Variants in IDS observed in about 807,000 individuals in gnomAD.
The protein encoded by IDS is alpha-L-iduronate sulfate sulfatase.
In IDS, 1 loss-of-function variant was observed where a neutral mutation model predicts 33.5. That is an observed-to-expected ratio of 0.03 (90% CI 0.01 to 0.14). The LOEUF (loss-of-function observed/expected upper bound fraction) is 0.14. IDS is among the 10% of genes least tolerant of loss of function. The probability of loss-of-function intolerance (pLI) is 1.00; values close to 1 mark genes in which losing one functional copy is unlikely to be tolerated. For synonymous variants in IDS, 191 were observed against 184.4 expected (o/e 1.04, Z -0.29); for missense variants, 328 against 448.0 (o/e 0.73, Z 2.42).
At position 149,504,986 on chromosome X, in the gene IDS, A is replaced by G. The variant is rs782342045; in HGVS notation, c.103+49T>C. 2.4e-5 allele frequency: 21 copies of G among 880,583 alleles called. No homozygotes were observed. The Admixed American group carries it at 2.6e-4, about 11-fold the overall frequency. 72.6% of individuals were successfully genotyped at this position (880,583 alleles called of 1,213,427 possible). ...GGAAGGAAAGAAGGAAGGAGGAAGG[A>G]AGGGAGGGAGGAAGGGAGAAGAGAT... On this transcript the variant is annotated intron_variant, in intron 1 of 8. Transcript: ENST00000340855.
At chrX:149,487,657 C>A (rs1407926507) in intron 7 of IDS, among the ~76,000 whole-genome samples, 2 of 112,555 alleles carry the variant, frequency 1.8e-5, no homozygotes, top group Non-Finnish European at 3.8e-5. Flanking sequence ...TAGGGTAAAC[C>A]AAAACCTCTC....
intron 3 of IDS, chrX:149,503,054 C>G: frequency 1.9e-6 from 2 of 1,044,345 alleles, no homozygotes; most frequent in African/African-American, 3.8e-5. Context: ...TCCTCCCTAC[C>G]ACCCGAGGAG....
At chrX:149,494,712 C>T (rs782355089) in intron 6 of IDS, among the ~76,000 whole-genome samples, 17 of 111,958 alleles carry the variant, frequency 1.5e-4, no homozygotes, top group Non-Finnish European at 2.1e-4. Flanking sequence ...GCAGCCGACA[C>T]GGTCCTAGAT....
Position 149,498,112 on chromosome X carries a change from G to A in IDS, c.703C>T (p.Pro235Ser), listed in dbSNP as rs1472865575. Residue 235 changes from proline to serine, a missense_variant, in exon 5 of 9, where the codon CCC (proline) becomes TCC (serine). Pro to Ser is a moderately conservative substitution (Grantham distance 74, BLOSUM62 -1). Coordinates refer to ENST00000340855, the MANE Select transcript of IDS (RefSeq NM_000202.8). ...YHKPHIPFRY[P>S]KEFQKLYPLE... is the part of the protein sequence containing the mutation. ...GCCCTCAACCAGCTCTTCACCTTGG[G>A]GTATCTGAAGGGGATGTGTGGCTTA... 1 of 1,204,128 alleles carries A rather than the reference G, an allele frequency of 8.3e-7. No homozygotes were observed. The highest frequency in any genetic ancestry group is 1.1e-6 in the Non-Finnish European group (1 of 890,019).
chrX:149,493,661 T>C (rs2089412126), intron 6 of IDS, among the ~76,000 whole-genome samples: 1 of 109,761 alleles, frequency 9.1e-6, no homozygotes, highest in Non-Finnish European at 1.9e-5. Context: ...TGGTGGGGAG[T>C]TGAGGGAAGA....
At chrX:149,484,274 A>C (rs782112068) in intron 8 of IDS, among the ~76,000 whole-genome samples, 2 of 112,560 alleles carry the variant, frequency 1.8e-5, no homozygotes, top group South Asian at 3.7e-4. Context: ...AGCAATGCAC[A>C]AGTGTTCCAA....
Position 149,478,644 on chromosome X carries a change from G to A in IDS, c.*4102C>T, listed in dbSNP as rs2089278926. 8.9e-6 allele frequency: 1 copy of A among 112,733 alleles called. No homozygotes were observed. The highest frequency in any genetic ancestry group is 1.9e-5 in the Non-Finnish European group (1 of 53,362). The allele number at this position is 112,733 out of a possible 1,213,427, so 9.3% of individuals were successfully genotyped here. A position where few individuals can be genotyped will look rare whatever the true frequency, so the allele number is the denominator to read the frequency against. ...ATATACAAATGTCAGCAGTGGGTATGTCTCAAATGCTGGGCTTCTTTTCAT... is the reference window on the plus strand; with the variant it reads ...ATATACAAATGTCAGCAGTGGGTATATCTCAAATGCTGGGCTTCTTTTCAT... On this transcript the variant is annotated 3_prime_UTR_variant, in exon 9 of 9. Coordinates refer to ENST00000340855, the MANE Select transcript of IDS (RefSeq NM_000202.8).
At position 149,482,810 on chromosome X, in the gene IDS, A is replaced by C; in HGVS notation, c.1589T>G (p.Leu530Trp). ...GELYFVDSDP[L>W]QDHNMYNDSQ... ...ATCATTATACATATTGTGATCCTGC[A>C]ATGGGTCAGAATCCACAAAATACAG... The change falls in exon 9 of 9, where the codon TTG becomes TGG. Residue 530 changes from leucine to tryptophan, a missense_variant. Coordinates refer to ENST00000340855, the MANE Select transcript of IDS (RefSeq NM_000202.8). 8.3e-7 allele frequency: 1 copy of C among 1,211,943 alleles called. No homozygotes were observed.
At chrX:149,485,313 T>C (rs1355073849) in intron 8 of IDS, among the ~76,000 whole-genome samples, 1 of 112,082 alleles carries the variant, frequency 8.9e-6, no homozygotes, top group African/African-American at 3.3e-5. Flanking sequence ...AAGGGGACCA[T>C]TTAGCAAGCT....
At chrX:149,486,545 G>A (rs782667001) in intron 8 of IDS, among the ~76,000 whole-genome samples, 14 of 111,949 alleles carry the variant, frequency 1.3e-4, no homozygotes, top group Middle Eastern at 9.2e-3. Flanking sequence ...CCAAAAGTGC[G>A]CATCGAGGGA....
chrX:149,487,574 T>G (rs1557338255), intron 7 of IDS, among the ~76,000 whole-genome samples: 1 of 112,158 alleles, frequency 8.9e-6, no homozygotes, highest in East Asian at 2.8e-4. Context: ...CAGTGAGCTG[T>G]GGAACTGCAA....
intron 6 of IDS, among the ~76,000 whole-genome samples, chrX:149,492,165 C>G (rs946864319): frequency 3.6e-5 from 4 of 112,035 alleles, no homozygotes; most frequent in African/African-American, 1.3e-4. Context: ...ACTCCTTGCC[C>G]TCTGCCTCAG....
At chrX:149,487,330 ATAAT>A in intron 7 of IDS, 2 of 1,125,332 alleles carry the variant, frequency 1.8e-6, no homozygotes, top group Non-Finnish European at 2.4e-6. Flanking sequence ...AAAAGAAAAA[ATAAT>A]TAAATTCCCA....
At chrX:149,503,666 G>A (rs1164962793) in intron 2 of IDS, among the ~76,000 whole-genome samples, 177 bp from the exon 3 acceptor site, 1 of 111,908 alleles carries the variant, frequency 8.9e-6, no homozygotes, top group Non-Finnish European at 1.9e-5. Context: ...GACTGCTTCC[G>A]GGAGAGAAAA....
At chrX:149,498,331 A>C in intron 4 of IDS, 24 bp from the exon 5 acceptor site, 1 of 1,149,463 alleles carries the variant, frequency 8.7e-7, no homozygotes, top group Non-Finnish European at 1.2e-6. Flanking sequence ...ATAATATAAC[A>C]TCAGCTTTTT....
chrX:149,482,565 G>A lies in IDS; in HGVS notation c.*181C>T. 1 of 642,564 alleles carries A rather than the reference G, an allele frequency of 1.6e-6. No individual in the cohort carries two copies. The highest frequency in any genetic ancestry group is 4.1e-5 in the Admixed American group (1 of 24,681). 53.0% of individuals were successfully genotyped at this position (642,564 alleles called of 1,213,427 possible). ...ATTACCAATTATAAATTTTAATAAA[G>A]ACTAAACGAAAAGGTTTGGCTGTTA... On this transcript the variant is annotated 3_prime_UTR_variant, in exon 9 of 9. Coordinates refer to ENST00000340855, the MANE Select transcript of IDS (RefSeq NM_000202.8).
At chrX:149,484,958 G>A (rs2089324247) in intron 8 of IDS, among the ~76,000 whole-genome samples, 1 of 112,058 alleles carries the variant, frequency 8.9e-6, no homozygotes, top group African/African-American at 3.2e-5. Flanking sequence ...TAGTAACGCT[G>A]GCCATGAAGT....
intron 8 of IDS, among the ~76,000 whole-genome samples, chrX:149,485,105 T>A (rs1172298758): frequency 1.8e-5 from 2 of 112,187 alleles, no homozygotes; most frequent in Non-Finnish European, 3.8e-5. Context: ...ACAACTGGCC[T>A]GGATACTTAT....
chrX:149,487,183 G>A (rs1357026757), intron 7 of IDS, 85 bp from the exon 8 acceptor site: 10 of 1,205,697 alleles, frequency 8.3e-6, no homozygotes, highest in Non-Finnish European at 1.0e-5. Flanking sequence ...TTCATTTCCT[G>A]TTGTAAAAAC....
Sources: gnomAD v4.1 joint callset for allele counts (sites outside exome capture counted in the v4.1 genomes callset) on GRCh38, gnomAD v4.1.1 for gene constraint, MANE v1.5 for transcripts, NCBI Gene and HGNC (gene_info 2026-07-23, HGNC 2026-07-21) for gene names.